The following LMLN variants were observed in gnomAD, a reference collection of about 807,000 sequenced individuals.
The protein encoded by LMLN is leishmanolysin-like peptidase.
A neutral mutation model predicts 92.3 loss-of-function variants in LMLN; 70 were observed. That is an observed-to-expected ratio of 0.76 (90% CI 0.63 to 0.92). The LOEUF is 0.92. Ranked by LOEUF, LMLN falls within the 40% of genes least tolerant of loss-of-function variation. The pLI is 0.00. For synonymous variants in LMLN, 308 were observed against 296.2 expected (o/e 1.04, Z -0.41); for missense variants, 691 against 814.6 (o/e 0.85, Z 1.85).
chr3:198,031,773 A>G lies in LMLN; in HGVS notation c.1657-4060A>G, dbSNP rs916407470. Among the ~76,000 whole-genome samples, 1 of 151,980 alleles carries G rather than the reference A, an allele frequency of 6.6e-6. No homozygotes were observed. The highest frequency in any genetic ancestry group is 2.4e-5 in the African/African-American group (1 of 41,360). On this transcript the variant is annotated intron_variant, in intron 14 of 15. Coordinates refer to ENST00000330198, the Ensembl canonical transcript of LMLN. The surrounding 1 kb of genome is among the most constrained non-coding windows in gnomAD (Gnocchi z 4.8). Reference sequence around the variant, plus strand: ...TTCCAAAATTTAATGGGTTGATTCTATTTTTGGTGATCATTAACAGCCTGT... The same window carrying G: ...TTCCAAAATTTAATGGGTTGATTCTGTTTTTGGTGATCATTAACAGCCTGT...
chr3:197,961,939 C>T (rs918379749), intron 1 of LMLN, among the ~76,000 whole-genome samples: 2 of 152,082 alleles, frequency 1.3e-5, no homozygotes, highest in Admixed American at 6.6e-5. Context: ...TTTAAGGTTC[C>T]GCCATTCTTG....
At chr3:198,014,798 C>T (rs1317230353) in intron 11 of LMLN, among the ~76,000 whole-genome samples, 3 of 132,934 alleles carry the variant, frequency 2.3e-5, no homozygotes, top group Non-Finnish European at 4.9e-5. Flanking sequence ...TTCTCTCCAC[C>T]GTTCAGAGCC....
rs1399457682 is a variant in LMLN at position 198,019,963 on chromosome 3, C to T, written c.1365+578C>T. ...GCAGCCTCCCCTTACCAGATTCAAG[C>T]GATTCTTGTGCCTCAGCCTCCCGAG... On this transcript the variant is annotated intron_variant, in intron 12 of 15. Transcript: ENST00000330198. The surrounding 1 kb of genome is among the most constrained non-coding windows in gnomAD (Gnocchi z 5.5). 2.6e-5 allele frequency among the ~76,000 whole-genome samples: 4 copies of T among 152,152 alleles called. No individual in the cohort carries two copies. The highest frequency in any genetic ancestry group is 5.9e-5 in the Non-Finnish European group (4 of 68,038).
At position 198,024,865 on chromosome 3, in the gene LMLN, T is replaced by C. The variant is rs953668966; in HGVS notation, c.1656+77T>C. Reference sequence around the variant, plus strand: ...TTTTATGGTTTTGTATTTTAAATTATATTTTCATATTTTATGTCATTAATT... The same window carrying C: ...TTTTATGGTTTTGTATTTTAAATTACATTTTCATATTTTATGTCATTAATT... On this transcript the variant is annotated intron_variant, in intron 14 of 15. Coordinates refer to ENST00000330198, the Ensembl canonical transcript of LMLN. 1.2e-5 allele frequency: 14 copies of C among 1,175,194 alleles called. 1 individual carries two copies. In the Admixed American group the frequency reaches 3.2e-4, roughly 27 times the overall value. 72.8% of individuals were successfully genotyped at this position (1,175,194 alleles called of 1,614,324 possible). A position where few individuals can be genotyped will look rare whatever the true frequency, so the allele number is the denominator to read the frequency against.
At chr3:198,014,180 CCTAA>C (rs1239287890) in intron 11 of LMLN, among the ~76,000 whole-genome samples, 2 of 148,778 alleles carry the variant, frequency 1.3e-5, no homozygotes, top group Admixed American at 6.6e-5. Context: ...TTCAGAGCCT[CCTAA>C]CTAGTCTGAC....
intron 11 of LMLN, among the ~76,000 whole-genome samples, chr3:198,011,260 C>T (rs190122055): frequency 6.6e-6 from 1 of 152,306 alleles, no homozygotes; most frequent in Admixed American, 6.5e-5. Context: ...TCTCCTAATG[C>T]TATCCCTCCT....
intron 5 of LMLN, among the ~76,000 whole-genome samples, chr3:197,977,115 T>C (rs1310139249): frequency 6.6e-6 from 1 of 152,224 alleles, no homozygotes; most frequent in Non-Finnish European, 1.5e-5. Flanking sequence ...CTACGTAATA[T>C]ATGTTTAAAG....
intron 14 of LMLN, among the ~76,000 whole-genome samples, 196 bp downstream of exon 15, chr3:198,024,984 T>TAG (rs1459651481): frequency 5.3e-5 from 8 of 152,224 alleles, no homozygotes; most frequent in Non-Finnish European, 1.0e-4. Flanking sequence ...AAGTGCCTCT[T>TAG]AAAAATATAT....
At chr3:198,016,416 T>A (rs1722643545) in intron 11 of LMLN, among the ~76,000 whole-genome samples, 1 of 152,190 alleles carries the variant, frequency 6.6e-6, no homozygotes, top group Admixed American at 6.5e-5. Context: ...CTGCCAGTTC[T>A]CAAATTTTGC....
intron 14 of LMLN, among the ~76,000 whole-genome samples, chr3:198,034,068 T>C (rs950813801): frequency 6.6e-6 from 1 of 152,260 alleles, no homozygotes; most frequent in Admixed American, 6.5e-5. Context: ...AGTAATTTTG[T>C]GTCACACGTT....
intron 13 of LMLN, 86 bp downstream of exon 14, chr3:198,021,691 T>A: frequency 8.3e-7 from 1 of 1,199,804 alleles, no homozygotes; most frequent in Non-Finnish European, 1.2e-6. Context: ...GCACAGACCC[T>A]AGAGCAGGAC....
chr3:197,988,280 C>T (rs759792601), intron 8 of LMLN, among the ~76,000 whole-genome samples: 17 of 151,336 alleles, frequency 1.1e-4, no homozygotes, highest in African/African-American at 3.6e-4. Context: ...CACTGTACCC[C>T]GATGTTTTTT....
intron 10 of LMLN, 68 bp downstream of exon 10, chr3:197,996,350 A>T (rs1435759159): frequency 1.9e-6 from 2 of 1,052,960 alleles, no homozygotes; most frequent in Non-Finnish European, 2.8e-6. Context: ...GGTAAAACTT[A>T]TTCAAGCAGG....
chr3:198,023,760 T>C (rs1163618455), intron 13 of LMLN, among the ~76,000 whole-genome samples: 1 of 152,216 alleles, frequency 6.6e-6, no homozygotes, highest in Non-Finnish European at 1.5e-5. Context: ...TAGAGGCCTT[T>C]CATTCCTCTG....
chr3:197,987,308 T>C (rs1721740088), intron 8 of LMLN, among the ~76,000 whole-genome samples: 1 of 151,796 alleles, frequency 6.6e-6, no homozygotes, highest in South Asian at 2.1e-4. Context: ...TACAGGCGCC[T>C]GCCAACACGC....
chr3:197,977,623 A>C (rs1721429017), intron 5 of LMLN, among the ~76,000 whole-genome samples: 1 of 152,012 alleles, frequency 6.6e-6, no homozygotes, highest in South Asian at 2.1e-4. Flanking sequence ...ATCTGGAAGC[A>C]CACACTTGTT....
intron 11 of LMLN, 61 bp from the exon 12 acceptor site, chr3:198,002,954 A>T: frequency 1.1e-6 from 1 of 899,554 alleles, no homozygotes; most frequent in Non-Finnish European, 1.8e-6. Context: ...CTCAATTGTT[A>T]TGCTAGAGTT....
At chr3:198,010,760 C>G (rs1308356234) in intron 11 of LMLN, among the ~76,000 whole-genome samples, 4 of 152,158 alleles carry the variant, frequency 2.6e-5, no homozygotes, top group Non-Finnish European at 5.9e-5. Context: ...CTATTTTTCT[C>G]TTCTTAATCT....
chr3:198,015,788 T>G (rs933821315), intron 11 of LMLN, among the ~76,000 whole-genome samples: 1 of 152,250 alleles, frequency 6.6e-6, no homozygotes, highest in Non-Finnish European at 1.5e-5. Flanking sequence ...GTTTCTTTAA[T>G]TTACAGTGTC....
Sources: gnomAD v4.1 joint callset for allele counts (sites outside exome capture counted in the v4.1 genomes callset) on GRCh38, gnomAD v4.1.1 for gene constraint, Gnocchi (gnomAD v3.1) non-coding constraint, MANE v1.5 for transcripts, NCBI Gene and HGNC (gene_info 2026-07-23, HGNC 2026-07-21) for gene names.